Variants in TMEM255B observed in about 807,000 individuals in gnomAD.
TMEM255B encodes the protein family with sequence similarity 70, member B.
A neutral mutation model predicts 34.5 loss-of-function variants in TMEM255B; 35 were observed. That is an observed-to-expected ratio of 1.01 (90% CI 0.77 to 1.34). TMEM255B has a LOEUF of 1.34. Ranked by LOEUF, TMEM255B falls within the 40% of genes most tolerant of loss-of-function variation. The pLI is 0.00. For missense variants in TMEM255B, 432 were observed against 433.2 expected, an observed-to-expected ratio of 1.00 and a Z score of 0.02; for synonymous variants, 206 against 201.2, an observed-to-expected ratio of 1.02 and a Z score of -0.20.
rs1199112219 is a variant in TMEM255B at position 113,799,957 on chromosome 13, C to T, written c.423+538C>T. ...GATTCCTGGCTTTAACTAAACGCAG[C>T]CTCTCATCCTCAGCACGCGTGTCAG... On this transcript the variant is annotated intron_variant, in intron 5 of 8. Coordinates refer to ENST00000375353, the MANE Select transcript of TMEM255B (RefSeq NM_182614.4). The T allele has an allele frequency of 6.2e-6, 8 of 1,285,772 alleles. No individual in the cohort carries two copies. In the Admixed American group the frequency reaches 1.6e-4, roughly 26 times the overall value. The allele number at this position is 1,285,772 out of a possible 1,614,324, so 79.6% of individuals were successfully genotyped here. A position where few individuals can be genotyped will look rare whatever the true frequency, so the allele number is the denominator to read the frequency against.
At position 113,799,385 on chromosome 13, in the gene TMEM255B, G is replaced by A. The variant is rs146672834; in HGVS notation, c.389G>A (p.Gly130Glu). The part of the protein sequence containing the change: ...TTGRCQFYSS[G>E]VGYLYDVYQT... ...GGAAGATGCCAGTTTTACTCCAGTGGGGTGGGGTACTTGTACGATGTCTAC... is the reference window on the plus strand; with the variant it reads ...GGAAGATGCCAGTTTTACTCCAGTGAGGTGGGGTACTTGTACGATGTCTAC... The change falls in exon 5 of 9, where the codon GGG becomes GAG. Residue 130 changes from glycine to glutamate, a missense_variant. Physicochemically the swap from Gly to Glu is moderately conservative, Grantham distance 98 (BLOSUM62 -2). Coordinates refer to ENST00000375353, the MANE Select transcript of TMEM255B (RefSeq NM_182614.4). The A allele has an allele frequency of 6.0e-4, 973 of 1,614,184 alleles. 8 individuals carry two copies. The African/African-American group carries it at 0.011, about 19-fold the overall frequency.
intron 1 of TMEM255B, among the ~76,000 whole-genome samples, chr13:113,760,399 C>T (rs1182848989): frequency 6.6e-6 from 1 of 152,302 alleles, no homozygotes; most frequent in African/African-American, 2.4e-5. Flanking sequence ...ATTAGAATGC[C>T]TTAATGTTTA....
At chr13:113,792,092 C>T (rs1021500774) in intron 3 of TMEM255B, among the ~76,000 whole-genome samples, 3 of 152,236 alleles carry the variant, frequency 2.0e-5, no homozygotes, top group African/African-American at 7.2e-5. Context: ...GGCTTGGCCC[C>T]GACTGGGAAA....
At chr13:113,804,464 A>C (rs1398774512) in intron 7 of TMEM255B, among the ~76,000 whole-genome samples, 1 of 152,196 alleles carries the variant, frequency 6.6e-6, no homozygotes, top group Admixed American at 6.5e-5. Context: ...CCAAAAAATC[A>C]AAAAAGTAAA....
intron 7 of TMEM255B, among the ~76,000 whole-genome samples, chr13:113,802,408 C>T (rs1042448138): frequency 2.0e-5 from 3 of 152,212 alleles, no homozygotes; most frequent in South Asian, 2.1e-4. Flanking sequence ...TGGTGTGCGG[C>T]CAGCAAACCC....
intron 3 of TMEM255B, among the ~76,000 whole-genome samples, chr13:113,777,900 A>T (rs2050605687): frequency 6.6e-6 from 1 of 152,140 alleles, no homozygotes; most frequent in African/African-American, 2.4e-5. Context: ...AGCCATTGCT[A>T]ACAATAACCA....
At chr13:113,792,020 C>T (rs1019542329) in intron 3 of TMEM255B, among the ~76,000 whole-genome samples, 1 of 152,216 alleles carries the variant, frequency 6.6e-6, no homozygotes, top group African/African-American at 2.4e-5. Context: ...GCGGGAGGCC[C>T]CAGAGCTGGG....
At chr13:113,781,344 A>ATT (rs1226808984) in intron 3 of TMEM255B, among the ~76,000 whole-genome samples, 10 of 152,334 alleles carry the variant, frequency 6.6e-5, no homozygotes, top group African/African-American at 2.4e-4. Context: ...AACTTGCTTA[A>ATT]ACCTTCATTT....
chr13:113,804,783 T>C, intron 7 of TMEM255B, 102 bp from the exon 8 acceptor site: 1 of 1,102,212 alleles, frequency 9.1e-7, no homozygotes, highest in East Asian at 2.7e-5. Context: ...AGTTCCAGCC[T>C]GAGAGTCGGG....
At chr13:113,789,364 A>G (rs1594142235) in intron 3 of TMEM255B, among the ~76,000 whole-genome samples, 1 of 152,150 alleles carries the variant, frequency 6.6e-6, no homozygotes, top group East Asian at 1.9e-4. Context: ...CGCAGTCCTC[A>G]TGGGCTATGG....
rs1039663939 is a variant in TMEM255B at position 113,812,200 on chromosome 13, C to T, written c.*297C>T. 2.2e-6 allele frequency: 1 copy of T among 455,356 alleles called. No homozygotes were observed. Among genetic ancestry groups the T allele is most frequent in the African/African-American group, 2.0e-5 (1 of 48,828 alleles). 28.2% of individuals were successfully genotyped at this position (455,356 alleles called of 1,614,324 possible). ...GCAATTGTTCTGGTGTTTTCACATC[C>T]CTTAATTAATTAGCTATTATTATGA... On this transcript the variant is annotated 3_prime_UTR_variant, in exon 9 of 9. Transcript: ENST00000375353.
chr13:113,795,966 G>A (rs374526582), intron 4 of TMEM255B, among the ~76,000 whole-genome samples: 15 of 127,530 alleles, frequency 1.2e-4, no homozygotes, highest in African/African-American at 4.0e-4. Flanking sequence ...ACACAACAGA[G>A]CACACAGCAC....
chr13:113,790,044 G>A (rs1167349928), intron 3 of TMEM255B, among the ~76,000 whole-genome samples: 1 of 151,582 alleles, frequency 6.6e-6, no homozygotes, highest in African/African-American at 2.4e-5. Flanking sequence ...GCGCTGGACT[G>A]ACTGGGCACG....
intron 7 of TMEM255B, among the ~76,000 whole-genome samples, chr13:113,804,567 G>A (rs936760388): frequency 6.6e-6 from 1 of 151,838 alleles, no homozygotes; most frequent in African/African-American, 2.4e-5. Flanking sequence ...AAGCTACGCC[G>A]GGCCGGGGTT....
intron 3 of TMEM255B, among the ~76,000 whole-genome samples, chr13:113,793,929 C>A (rs568390034): frequency 1.2e-4 from 19 of 152,354 alleles, no homozygotes; most frequent in African/African-American, 4.3e-4. Flanking sequence ...CGCCAGCCCC[C>A]ACCCCCCGCC....
chr13:113,774,786 A>C (rs1329839274), intron 3 of TMEM255B, among the ~76,000 whole-genome samples: 1 of 134,464 alleles, frequency 7.4e-6, no homozygotes, highest in African/African-American at 2.7e-5. Context: ...ACAATACACA[A>C]TACACGCTCC....
At chr13:113,794,239 C>T (rs2050881069) in intron 3 of TMEM255B, among the ~76,000 whole-genome samples, 1 of 152,118 alleles carries the variant, frequency 6.6e-6, no homozygotes, top group Non-Finnish European at 1.5e-5. Flanking sequence ...GAGGAGACCA[C>T]TCTGCTCGGT....
At position 113,794,157 on chromosome 13, in the gene TMEM255B, T is replaced by G. The variant is rs570808856; in HGVS notation, c.253-991T>G. On this transcript the variant is annotated intron_variant, in intron 3 of 8. Transcript: ENST00000375353. ...AGGGTCACGGTCGATGGAACTCCTC[T>G]CTCCACATACTTGGCTCCCCAGGGA... Among the ~76,000 whole-genome samples the G allele has an allele frequency of 7.2e-5, 11 of 152,198 alleles. No homozygotes were observed. In the South Asian group the frequency reaches 2.3e-3, roughly 32 times the overall value.
rs780132327 is a variant in TMEM255B at position 113,811,879 on chromosome 13, G to A, written c.957G>A (p.Glu319=). ...CACCCACCTACTTTCCCCCGGGGGA[G>A]AAGCCACCCCCCTACGCACCCTGAT... ...CYAPTYFPPG[E]KPPPYAP is the part of the protein sequence containing the mutation. The change falls in exon 9 of 9, where the codon GAG becomes GAA. Residue 319 remains glutamate (E), a synonymous_variant. Transcript: ENST00000375353. 73 of 1,612,946 alleles carry A rather than the reference G, an allele frequency of 4.5e-5. No individual in the cohort carries two copies. The highest frequency in any genetic ancestry group is 1.5e-4 in the Admixed American group (9 of 59,926).
Sources: gnomAD v4.1 joint callset for allele counts (sites outside exome capture counted in the v4.1 genomes callset) on GRCh38, gnomAD v4.1.1 for gene constraint, MANE v1.5 for transcripts, NCBI Gene and HGNC (gene_info 2026-07-23, HGNC 2026-07-21) for gene names.